The following FHOD3 variants were observed in gnomAD, a reference collection of about 807,000 sequenced individuals.
FHOD3 encodes the protein formin homology 2 domain containing 3.
FHOD3 carries 90 observed loss-of-function variants against 173.0 expected under a neutral mutation model. The ratio of observed to expected loss-of-function variants is 0.52; its 90% CI spans 0.44 to 0.62. The LOEUF is 0.62. FHOD3 is among the 20% of genes least tolerant of loss of function. FHOD3 has a pLI of 0.00. For missense variants in FHOD3, 1,945 were observed against 2,034.7 expected, an observed-to-expected ratio of 0.96 and a Z score of 0.85; for synonymous variants, 828 against 823.0, an observed-to-expected ratio of 1.01 and a Z score of -0.10.
intron 9 of FHOD3, 68 bp downstream of exon 9, chr18:36,612,163 T>G: frequency 1.3e-6 from 2 of 1,533,064 alleles, no homozygotes; most frequent in Non-Finnish European, 8.9e-7. Context: ...AGATGGCGCC[T>G]ACTTTAGACC....
intron 12 of FHOD3, 46 bp downstream of exon 12, chr18:36,652,975 G>C (rs748728364): frequency 1.3e-6 from 2 of 1,495,950 alleles, no homozygotes; most frequent in Non-Finnish European, 1.8e-6. Context: ...ACTCGGGGAG[G>C]AGAACACAGT....
At chr18:36,758,996 G>A (rs2042754025) in intron 25 of FHOD3, 122 bp from the exon 26 acceptor site, 1 of 1,064,242 alleles carries the variant, frequency 9.4e-7, no homozygotes, top group African/African-American at 1.6e-5. Context: ...TCCTGGTTGT[G>A]GTGACCAGTT....
intron 2 of FHOD3, among the ~76,000 whole-genome samples, chr18:36,365,177 C>G (rs1290859624): frequency 6.6e-6 from 1 of 152,144 alleles, no homozygotes; most frequent in Non-Finnish European, 1.5e-5. Flanking sequence ...GTCTCCATGA[C>G]TGGGTTAGGC....
intron 3 of FHOD3, among the ~76,000 whole-genome samples, chr18:36,493,217 T>TTC (rs1238773413): frequency 7.3e-5 from 11 of 150,320 alleles, no homozygotes; most frequent in Middle Eastern, 3.4e-3. Flanking sequence ...CTTTTTCTTT[T>TTC]TTTTTTTTTT....
At chr18:36,685,651 G>A (rs1211646157) in intron 15 of FHOD3, among the ~76,000 whole-genome samples, 1 of 152,054 alleles carries the variant, frequency 6.6e-6, no homozygotes, top group African/African-American at 2.4e-5. Flanking sequence ...TTTTCTCCCG[G>A]TCCTACACTG....
chr18:36,359,814 G>T (rs929582193), intron 2 of FHOD3, among the ~76,000 whole-genome samples: 2 of 152,074 alleles, frequency 1.3e-5, no homozygotes, highest in African/African-American at 4.8e-5. Flanking sequence ...TGCCTCTTTG[G>T]GTTGTTTCGA....
rs898729185 is a variant in FHOD3 at position 36,438,524 on chromosome 18, T to A, written c.338-63408T>A. Among the ~76,000 whole-genome samples, 5 of 152,178 alleles carry A rather than the reference T, an allele frequency of 3.3e-5. No individual in the cohort carries two copies. The East Asian group carries it at 9.7e-4, about 29-fold the overall frequency. Reference sequence around the variant, plus strand: ...CTGGCCCTCCCCTCCTGCCTGTACTTCTGTCAGTCCATGGGATGTCAAATC... The same window carrying A: ...CTGGCCCTCCCCTCCTGCCTGTACTACTGTCAGTCCATGGGATGTCAAATC... On this transcript the variant is annotated intron_variant, in intron 3 of 28. Transcript: ENST00000590592.
intron 5 of FHOD3, among the ~76,000 whole-genome samples, chr18:36,555,338 CAG>C (rs2147469902): frequency 6.6e-6 from 1 of 150,816 alleles, no homozygotes; most frequent in East Asian, 1.9e-4. Context: ...TGGGATACAC[CAG>C]AGTTTTTTTA....
At chr18:36,493,213 C>CTTTTTTTT (rs60189688) in intron 3 of FHOD3, among the ~76,000 whole-genome samples, 3 of 138,148 alleles carry the variant, frequency 2.2e-5, no homozygotes, top group Admixed American at 7.2e-5. Context: ...TTTTCTTTTT[C>CTTTTTTTT]TTTTTTTTTT....
chr18:36,409,607 C>T (rs555429851), intron 3 of FHOD3, among the ~76,000 whole-genome samples: 6 of 152,200 alleles, frequency 3.9e-5, no homozygotes, highest in Non-Finnish European at 4.4e-5. Flanking sequence ...GGCATTATGC[C>T]CATTTCAGGG....
chr18:36,436,429 T>C (rs1454839973), intron 3 of FHOD3, among the ~76,000 whole-genome samples: 2 of 152,142 alleles, frequency 1.3e-5, no homozygotes, highest in African/African-American at 4.8e-5. Flanking sequence ...TTATCCGAGG[T>C]ATTAAAACCC....
intron 6 of FHOD3, among the ~76,000 whole-genome samples, chr18:36,580,335 C>T (rs2058802510): frequency 6.6e-6 from 1 of 152,126 alleles, no homozygotes; most frequent in South Asian, 2.1e-4. Flanking sequence ...CTTTTATTTT[C>T]CCAAAGGCAG....
chr18:36,633,839 A>T (rs2034684429), intron 10 of FHOD3, among the ~76,000 whole-genome samples: 1 of 152,152 alleles, frequency 6.6e-6, no homozygotes, highest in Non-Finnish European at 1.5e-5. Flanking sequence ...TCACTGTTTG[A>T]TTTTGATCCT....
At chr18:36,425,464 G>A (rs185490916) in intron 3 of FHOD3, among the ~76,000 whole-genome samples, 97 of 152,260 alleles carry the variant, frequency 6.4e-4, no homozygotes, top group African/African-American at 2.3e-3. Flanking sequence ...TTTAAGAAAA[G>A]CTTTATGTTC....
intron 10 of FHOD3, 118 bp from the exon 11 acceptor site, chr18:36,649,198 T>A (rs2035885531): frequency 1.6e-6 from 1 of 640,118 alleles, no homozygotes; most frequent in South Asian, 2.3e-5. Flanking sequence ...TTTTAATTAT[T>A]ATTATTTCGT....
chr18:36,400,328 A>G (rs1267219769), intron 3 of FHOD3, among the ~76,000 whole-genome samples: 1 of 152,260 alleles, frequency 6.6e-6, no homozygotes, highest in Non-Finnish European at 1.5e-5. Flanking sequence ...AAAGAAAAAT[A>G]GAAACGTTGT....
chr18:36,403,678 A>C (rs527303117), intron 3 of FHOD3, among the ~76,000 whole-genome samples: 1 of 152,370 alleles, frequency 6.6e-6, no homozygotes, highest in East Asian at 1.9e-4. Context: ...TACGGATTCC[A>C]TTAGGAATTG....
At chr18:36,362,214 G>T (rs376106341) in intron 2 of FHOD3, among the ~76,000 whole-genome samples, 1 of 152,156 alleles carries the variant, frequency 6.6e-6, no homozygotes, top group Non-Finnish European at 1.5e-5. Flanking sequence ...CCCCCTGGGG[G>T]GACAAGCAGG....
At chr18:36,750,093 T>A (rs1056936009) in intron 24 of FHOD3, among the ~76,000 whole-genome samples, 2 of 152,116 alleles carry the variant, frequency 1.3e-5, no homozygotes, top group Non-Finnish European at 2.9e-5. Context: ...ATCAAGATCA[T>A]CCTGGCTAAC....
Sources: allele counts gnomAD v4.1 joint callset (sites outside exome capture counted in the v4.1 genomes callset), GRCh38; gene constraint gnomAD v4.1.1; transcripts MANE v1.5; gene names NCBI Gene and HGNC (gene_info 2026-07-23, HGNC 2026-07-21).